The following CACNG7 variants were observed in gnomAD, a reference collection of about 807,000 sequenced individuals.
CACNG7 encodes the protein voltage-dependent calcium channel gamma-7 subunit.
A neutral mutation model predicts 26.3 loss-of-function variants in CACNG7; 9 were observed. The ratio of observed to expected loss-of-function variants is 0.34; its 90% CI spans 0.21 to 0.60. The LOEUF is 0.60. Among genes scored for constraint, CACNG7 ranks in the 20% least tolerant of loss-of-function variants. CACNG7 has a pLI of 0.81. For missense variants in CACNG7, 297 were observed against 380.4 expected (o/e 0.78, Z 1.82); for synonymous variants, 170 against 157.0 (o/e 1.08, Z -0.62).
At chr19:53,922,967 G>T (rs2068976160) in intron 4 of CACNG7, among the ~76,000 whole-genome samples, 1 of 97,890 alleles carries the variant, frequency 1.0e-5, no homozygotes. Context: ...CCCCAGGTCT[G>T]GTCATTGGTG....
intron 4 of CACNG7, among the ~76,000 whole-genome samples, chr19:53,922,984 T>TCCCAGGACTGGTCATTGGTGCAGTTGC (rs2068976388): frequency 1.1e-5 from 1 of 88,736 alleles, no homozygotes; most frequent in Non-Finnish European, 2.0e-5. Flanking sequence ...GGTGGAGTTG[T>TCCCAGGACTGGTCATTGGTGCAGTTGC]CCCAGGACTG....
rs914421634 is a variant in CACNG7 at position 53,940,443 on chromosome 19, G to T, written c.425-1027G>T. ...CCTCAGCTCAGGCCTCATCCTCTTCGCCCTGGAATATGTCTCCCTCCAGTC... is the reference window on the plus strand; with the variant it reads ...CCTCAGCTCAGGCCTCATCCTCTTCTCCCTGGAATATGTCTCCCTCCAGTC... On this transcript the variant is annotated intron_variant, in intron 4 of 5. Coordinates refer to ENST00000391767, the MANE Select transcript of CACNG7 (RefSeq NM_031896.5). The surrounding 1 kb of genome is among the most constrained non-coding windows in gnomAD (Gnocchi z 4.1). Among the ~76,000 whole-genome samples the T allele has an allele frequency of 1.3e-5, 2 of 151,800 alleles. No individual in the cohort carries two copies. The highest frequency in any genetic ancestry group is 4.8e-5 in the African/African-American group (2 of 41,306).
At chr19:53,910,988 G>A (rs78085696) in intron 1 of CACNG7, among the ~76,000 whole-genome samples, 3,446 of 151,940 alleles carry the variant, frequency 0.023, 113 homozygotes, top group African/African-American at 0.078. Context: ...AATCCTAGTT[G>A]GAAGGATGAG....
intron 4 of CACNG7, among the ~76,000 whole-genome samples, chr19:53,937,092 GTTGTCC>G (rs1172952895): frequency 2.0e-5 from 3 of 152,178 alleles, no homozygotes; most frequent in Admixed American, 1.3e-4. Flanking sequence ...GTCTCACTAT[GTTGTCC>G]AGGCTGGTCT....
intron 4 of CACNG7, among the ~76,000 whole-genome samples, chr19:53,927,627 T>C (rs879916288): frequency 7.9e-5 from 12 of 152,010 alleles, no homozygotes; most frequent in Admixed American, 2.6e-4. Flanking sequence ...CACCTGAGGT[T>C]AGGAGTTCGA....
intron 2 of CACNG7, among the ~76,000 whole-genome samples, chr19:53,914,210 G>A (rs2068878908): frequency 1.3e-5 from 2 of 150,530 alleles, no homozygotes; most frequent in Middle Eastern, 3.4e-3. Context: ...GGAGGTAGAG[G>A]TTGTGGTGAG....
chr19:53,935,525 G>A (rs2069099006), intron 4 of CACNG7, among the ~76,000 whole-genome samples: 1 of 151,152 alleles, frequency 6.6e-6, no homozygotes, highest in Admixed American at 6.6e-5. Context: ...GTTTCACCAT[G>A]TGGGTCAGGC....
At chr19:53,935,050 A>G (rs1266084487) in intron 4 of CACNG7, among the ~76,000 whole-genome samples, 4 of 151,914 alleles carry the variant, frequency 2.6e-5, no homozygotes, top group Non-Finnish European at 5.9e-5. Context: ...TTACATATAC[A>G]TATATACCTA....
intron 4 of CACNG7, among the ~76,000 whole-genome samples, chr19:53,917,857 G>C (rs2068908703): frequency 6.6e-6 from 1 of 152,150 alleles, no homozygotes; most frequent in African/African-American, 2.4e-5. Flanking sequence ...TGGCAGAACT[G>C]GATTGGAATC....
At position 53,915,371 on chromosome 19, in the gene CACNG7, T is replaced by G. The variant is rs1377206630; in HGVS notation, c.290T>G (p.Val97Gly). 2 of 1,611,112 alleles carry G rather than the reference T, an allele frequency of 1.2e-6. No homozygotes were observed. The highest frequency in any genetic ancestry group is 1.7e-5 in the Admixed American group (1 of 59,958). ...CTCCCCATCCCCTCCCCAGAGACAG[T>G]GCGCACGGCCACCCCCTTCCCCATG... ...TENTENILKT[V>G]RTATPFPMVS... Residue 97 changes from valine (V) to glycine (G), a missense_variant, in exon 4 of 6, where the codon GTG becomes GGG. By Grantham distance (109) the Val-to-Gly change is moderately radical. Coordinates refer to ENST00000391767, the MANE Select transcript of CACNG7 (RefSeq NM_031896.5).
Position 53,924,132 on chromosome 19 carries a change from T to TTGGTGGACTTGCCCCAGGTCTGGTC in CACNG7, c.424+8627_424+8628insTGGTGGACTTGCCCCAGGTCTGGTC, listed in dbSNP as rs1568777071. On this transcript the variant is annotated intron_variant, in intron 4 of 5. Transcript: ENST00000391767. ...TTGGTGGACTTGCCCCAGGTCTGGTTATTGGTGGACTTGCCCCAGGTCTGG... is the reference window on the plus strand; with the variant it reads ...TTGGTGGACTTGCCCCAGGTCTGGTTTGGTGGACTTGCCCCAGGTCTGGTCATTGGTGGACTTGCCCCAGGTCTGG... 5.8e-4 allele frequency among the ~76,000 whole-genome samples: 69 copies of TTGGTGGACTTGCCCCAGGTCTGGTC among 118,328 alleles called. 8 individuals are homozygous for TTGGTGGACTTGCCCCAGGTCTGGTC. Among genetic ancestry groups the TTGGTGGACTTGCCCCAGGTCTGGTC allele is most frequent in the African/African-American group, 2.3e-3 (60 of 26,048 alleles). 77.6% of individuals were successfully genotyped at this position (118,328 alleles called of 152,430 possible).
chr19:53,919,172 T>C (rs1359239737), intron 4 of CACNG7, among the ~76,000 whole-genome samples: 2 of 151,742 alleles, frequency 1.3e-5, no homozygotes, highest in Non-Finnish European at 2.9e-5. Flanking sequence ...AAGATTAAGA[T>C]CACAAAAAAG....
At chr19:53,941,365 T>C (rs1227582476) in intron 4 of CACNG7, 105 bp from the exon 5 acceptor site, 3 of 1,295,186 alleles carry the variant, frequency 2.3e-6, no homozygotes, top group African/African-American at 1.5e-5. Flanking sequence ...TCAGGGAAGT[T>C]AGTCCAGGAC....
intron 3 of CACNG7, 30 bp from the exon 4 acceptor site, chr19:53,915,335 C>A: frequency 2.6e-6 from 4 of 1,553,408 alleles, no homozygotes; most frequent in South Asian, 1.1e-5. Context: ...ATTCCCCCCT[C>A]ACCCCTGTCT....
intron 4 of CACNG7, among the ~76,000 whole-genome samples, chr19:53,932,834 C>CTT (rs534782031): frequency 2.3e-4 from 31 of 136,864 alleles, no homozygotes; most frequent in East Asian, 4.2e-4. Context: ...TTTCTCTCTC[C>CTT]TTTTTTTTTT....
At chr19:53,929,263 T>TGA (rs369766259) in intron 4 of CACNG7, among the ~76,000 whole-genome samples, 1 of 150,398 alleles carries the variant, frequency 6.6e-6, no homozygotes, top group Non-Finnish European at 1.5e-5. Context: ...CCCTGATGGA[T>TGA]GAGAGAGAGA....
In CACNG7 at chr19:53,942,174, TGGCGCCGCGGC is replaced by T; in HGVS notation, c.710_720del (p.Trp237SerfsTer115). ...GGGCCAGTTCCTGCAGCCCGAGGCG[TGGCGCCGCGGC>T]CGGAGCCCCTCCGACATCTCCAGCG... On this transcript the variant is annotated frameshift_variant, in exon 6 of 6. Coordinates refer to ENST00000391767, the MANE Select transcript of CACNG7 (RefSeq NM_031896.5). LOFTEE classifies it high-confidence loss of function. The surrounding 1 kb of genome is among the most constrained non-coding windows in gnomAD (Gnocchi z 5.9). 1 of 1,613,996 alleles carries T rather than the reference TGGCGCCGCGGC, an allele frequency of 6.2e-7. No individual in the cohort carries two copies.
intron 4 of CACNG7, among the ~76,000 whole-genome samples, chr19:53,933,721 G>A (rs1599997430): frequency 1.4e-5 from 2 of 142,726 alleles, no homozygotes; most frequent in Non-Finnish European, 3.0e-5. Flanking sequence ...ACATCCTGCT[G>A]TGTCTATTAC....
At chr19:53,921,428 T>G (rs1447040033) in intron 4 of CACNG7, among the ~76,000 whole-genome samples, 1 of 144,206 alleles carries the variant, frequency 6.9e-6, no homozygotes, top group Non-Finnish European at 1.5e-5. Context: ...TGCCCCAGGC[T>G]GGTCATTGGT....
Sources: gnomAD v4.1 joint callset for allele counts (sites outside exome capture counted in the v4.1 genomes callset) on GRCh38, gnomAD v4.1.1 for gene constraint, Gnocchi (gnomAD v3.1) non-coding constraint, MANE v1.5 for transcripts, NCBI Gene and HGNC (gene_info 2026-07-23, HGNC 2026-07-21) for gene names.